Variants in HTR1E observed in about 807,000 individuals in gnomAD.
HTR1E encodes 5-hydroxytryptamine receptor 1E, also known as 5-HT-1E.
In HTR1E, 3 loss-of-function variants were observed where a neutral mutation model predicts 3.4. That is an observed-to-expected ratio of 0.89 (90% CI 0.41 to 2.31). The LOEUF is 2.31. Among genes scored for constraint, HTR1E ranks in the 30% most tolerant of loss-of-function variants. The probability of loss-of-function intolerance (pLI) is 0.05; values close to 1 mark genes in which losing one functional copy is unlikely to be tolerated. For synonymous variants in HTR1E, 170 were observed against 182.8 expected, an observed-to-expected ratio of 0.93 and a Z score of 0.56; for missense variants, 392 against 467.0, an observed-to-expected ratio of 0.84 and a Z score of 1.48.
chr6:86,949,337 A>G (rs1190814212), intron 1 of HTR1E, among the ~76,000 whole-genome samples: 1 of 152,204 alleles, frequency 6.6e-6, no homozygotes, highest in Non-Finnish European at 1.5e-5. Context: ...GTATATTTTA[A>G]TTACTACGTA....
At chr6:86,991,701 C>A (rs1767871606) in intron 1 of HTR1E, among the ~76,000 whole-genome samples, 1 of 152,028 alleles carries the variant, frequency 6.6e-6, no homozygotes, top group African/African-American at 2.4e-5. Flanking sequence ...GTGTAGTGGT[C>A]TCAGAAGCAG....
At chr6:86,987,877 A>C (rs1373458690) in intron 1 of HTR1E, among the ~76,000 whole-genome samples, 1 of 152,156 alleles carries the variant, frequency 6.6e-6, no homozygotes, top group Non-Finnish European at 1.5e-5. Flanking sequence ...CTCATTCATG[A>C]AGGAGGAGCC....
chr6:86,953,440 T>C lies in HTR1E; in HGVS notation c.-186+15617T>C, dbSNP rs565978576. 1.2e-4 allele frequency among the ~76,000 whole-genome samples: 18 copies of C among 152,316 alleles called. No individual in the cohort carries two copies. The South Asian group carries it at 3.5e-3, about 30-fold the overall frequency. On this transcript the variant is annotated intron_variant, in intron 1 of 1. Coordinates refer to ENST00000305344, the MANE Select transcript of HTR1E (RefSeq NM_000865.3). Reference sequence around the variant, plus strand: ...GCTGGCAGGTCAGTTACAAGCCAGATGATCTACTGTGTTCTCACATTTCTA... The same window carrying C: ...GCTGGCAGGTCAGTTACAAGCCAGACGATCTACTGTGTTCTCACATTTCTA...
intron 1 of HTR1E, among the ~76,000 whole-genome samples, chr6:86,938,223 G>A (rs980189974): frequency 1.3e-5 from 2 of 152,110 alleles, no homozygotes; most frequent in African/African-American, 4.8e-5. Flanking sequence ...AGGGACCCCG[G>A]AAGAACTGTG....
At chr6:87,011,322 G>A (rs988307561) in intron 1 of HTR1E, among the ~76,000 whole-genome samples, 2 of 152,178 alleles carry the variant, frequency 1.3e-5, no homozygotes, top group African/African-American at 4.8e-5. Context: ...GTCTAGGAAT[G>A]GACAGAAGTC....
intron 1 of HTR1E, among the ~76,000 whole-genome samples, chr6:86,978,002 GTTGATAGTGTCTTTT>G (rs1179247977): frequency 3.3e-5 from 5 of 152,234 alleles, no homozygotes; most frequent in African/African-American, 1.2e-4. Context: ...TGTTTACTCT[GTTGATAGTGTCTTTT>G]ACTCACAGAA....
chr6:86,987,293 C>G (rs1381750091), intron 1 of HTR1E, among the ~76,000 whole-genome samples: 1 of 152,102 alleles, frequency 6.6e-6, no homozygotes, highest in Non-Finnish European at 1.5e-5. Flanking sequence ...AGGTTTTTTA[C>G]TATACTGTAT....
At chr6:86,974,428 G>A (rs1467793675) in intron 1 of HTR1E, among the ~76,000 whole-genome samples, 1 of 152,100 alleles carries the variant, frequency 6.6e-6, no homozygotes, top group Non-Finnish European at 1.5e-5. Context: ...AATCTGGAAT[G>A]GGGTCTCAGT....
chr6:87,008,298 G>T (rs1768148221), intron 1 of HTR1E, among the ~76,000 whole-genome samples: 1 of 152,082 alleles, frequency 6.6e-6, no homozygotes, highest in South Asian at 2.1e-4. Flanking sequence ...TTTCCCTGGA[G>T]AGGCAAAGAA....
chr6:86,959,913 G>A (rs1767381805), intron 1 of HTR1E, among the ~76,000 whole-genome samples: 1 of 152,142 alleles, frequency 6.6e-6, no homozygotes, highest in South Asian at 2.1e-4. Flanking sequence ...TGTCTGTAGG[G>A]ACACTCTTCC....
At chr6:87,013,776 C>T (rs539044863) in intron 1 of HTR1E, among the ~76,000 whole-genome samples, 4 of 151,794 alleles carry the variant, frequency 2.6e-5, no homozygotes, top group Admixed American at 6.6e-5. Flanking sequence ...TTGTCAAAAA[C>T]GATTTGAACA....
chr6:87,006,537 G>A (rs145168368), intron 1 of HTR1E, among the ~76,000 whole-genome samples: 2 of 152,222 alleles, frequency 1.3e-5, no homozygotes, highest in Admixed American at 1.3e-4. Context: ...AGATCGAGAA[G>A]CAGAAATACC....
intron 1 of HTR1E, among the ~76,000 whole-genome samples, chr6:86,941,079 CTT>C (rs1186259352): frequency 1.3e-5 from 2 of 152,246 alleles, no homozygotes; most frequent in African/African-American, 4.8e-5. Context: ...TTACTTCTCT[CTT>C]GTTTTCTCCT....
At chr6:86,947,116 CA>C (rs1001231986) in intron 1 of HTR1E, among the ~76,000 whole-genome samples, 11 of 146,046 alleles carry the variant, frequency 7.5e-5, no homozygotes, top group South Asian at 4.4e-4. Context: ...AACTCTGTCT[CA>C]AAAAAAAAAT....
chr6:86,996,723 A>G (rs947311305), intron 1 of HTR1E, among the ~76,000 whole-genome samples: 1 of 152,080 alleles, frequency 6.6e-6, no homozygotes, highest in African/African-American at 2.4e-5. Context: ...ATAGGCCTAT[A>G]ACTACTAAGA....
chr6:87,014,567 C>T (rs1156715300), intron 1 of HTR1E, among the ~76,000 whole-genome samples: 2 of 152,104 alleles, frequency 1.3e-5, no homozygotes, highest in African/African-American at 2.4e-5. Flanking sequence ...AAATGCCCAT[C>T]AGTGATAGAC....
In HTR1E at chr6:87,003,644, A is replaced by G. The variant is rs756006146; in HGVS notation, c.-185-11506A>G. The stretch of plus-strand genomic sequence containing the variant: ...TGGGATACAGCAAAAGGTTACAGGA[A>G]TAAGTGCCTACAAGAAAAAAGTAGA... On this transcript the variant is annotated intron_variant, in intron 1 of 1. Transcript: ENST00000305344. 2.0e-5 allele frequency among the ~76,000 whole-genome samples: 3 copies of G among 152,098 alleles called. No homozygotes were observed. In the South Asian group the frequency reaches 6.2e-4, roughly 31 times the overall value.
At chr6:86,939,346 CACTA>C (rs1215177943) in intron 1 of HTR1E, among the ~76,000 whole-genome samples, 11 of 152,178 alleles carry the variant, frequency 7.2e-5, no homozygotes, top group Non-Finnish European at 1.0e-4. Flanking sequence ...AGCACCTCAC[CACTA>C]ACTATTTTGC....
intron 1 of HTR1E, among the ~76,000 whole-genome samples, chr6:87,010,242 C>T (rs1768191983): frequency 8.6e-6 from 1 of 116,220 alleles, no homozygotes; most frequent in African/African-American, 3.8e-5. Flanking sequence ...AGGGGCTCCT[C>T]ACTTCTCAGT....
Sources: gnomAD v4.1 joint callset for allele counts (sites outside exome capture counted in the v4.1 genomes callset) on GRCh38, gnomAD v4.1.1 for gene constraint, MANE v1.5 for transcripts, NCBI Gene and HGNC (gene_info 2026-07-23, HGNC 2026-07-21) for gene names.